The following SC5D variants were observed in gnomAD, a reference collection of about 807,000 sequenced individuals.
SC5D encodes lathosterol oxidase.
A neutral mutation model predicts 23.9 loss-of-function variants in SC5D; 21 were observed. That is an observed-to-expected ratio of 0.88 (90% CI 0.62 to 1.26). SC5D has a LOEUF of 1.26. Ranked by LOEUF, SC5D falls within the 50% of genes most tolerant of loss-of-function variation. The probability of loss-of-function intolerance (pLI) is 0.00; values close to 1 mark genes in which losing one functional copy is unlikely to be tolerated. For synonymous variants in SC5D, 113 were observed against 125.9 expected, an observed-to-expected ratio of 0.90 and a Z score of 0.68; for missense variants, 309 against 364.8, an observed-to-expected ratio of 0.85 and a Z score of 1.25.
At chr11:121,305,320 G>T (rs1947955916) in intron 3 of SC5D, 1 of 151,608 alleles carries the variant, frequency 6.6e-6, no homozygotes, top group South Asian at 2.1e-4. Flanking sequence ...CTATCACTGT[G>T]CTCCTTTTAT....
Position 121,293,615 on chromosome 11 carries a change from TAG to T in SC5D, c.-11+802_-11+803del, listed in dbSNP as rs772262761. 1.1e-4 allele frequency among the ~76,000 whole-genome samples: 16 copies of T among 152,224 alleles called. 1 individual carries two copies. The highest frequency in any genetic ancestry group is 2.4e-4 in the Non-Finnish European group (16 of 68,036). ...GTGAAGAAAACAAGACCTCAGTACA[TAG>T]AGTTTCCAAACTGGAAAGTTTGTGG... is the stretch of plus-strand genomic sequence containing the variant. On this transcript the variant is annotated intron_variant, in intron 1 of 4. Coordinates refer to ENST00000264027, the MANE Select transcript of SC5D (RefSeq NM_006918.5).
intron 1 of SC5D, 87 bp from the exon 2 acceptor site, chr11:121,303,279 G>C: frequency 2.0e-6 from 2 of 977,424 alleles, no homozygotes; most frequent in Non-Finnish European, 3.3e-6. Context: ...TCTTAAATCA[G>C]GAACTTGAGA....
In SC5D at chr11:121,292,803, CGGACCACCTCCAGGTGG is replaced by C. The variant is rs1947860102; in HGVS notation, c.-19_-11+8del. ...AGAGCAGTGGCGTGCGGAGCGGCGG[CGGACCACCTCCAGGTGG>C]GGACGGTGGGTGGGCGGGGAAGGAA... is the stretch of plus-strand genomic sequence containing the variant. On this transcript the variant is annotated splice_donor_variant and splice_donor_region_variant and 5_prime_UTR_variant and intron_variant, in exon 1 of 5. Transcript: ENST00000264027. LOFTEE classifies it low-confidence loss of function (5UTR_SPLICE). The C allele has an allele frequency of 6.6e-6, 1 of 152,474 alleles. No homozygotes were observed. Among genetic ancestry groups the C allele is most frequent in the Non-Finnish European group, 1.5e-5 (1 of 68,360 alleles). 9.4% of individuals were successfully genotyped at this position (152,474 alleles called of 1,614,324 possible). A position where few individuals can be genotyped will look rare whatever the true frequency, so the allele number is the denominator to read the frequency against.
rs780028779 is a variant in SC5D, at chr11:121,304,374, G to C, written c.224G>C (p.Arg75Pro). The C allele has an allele frequency of 6.2e-7, 1 of 1,613,348 alleles. No individual in the cohort carries two copies. Among genetic ancestry groups the C allele is most frequent in the Non-Finnish European group, 8.5e-7 (1 of 1,179,512 alleles). The change falls in exon 3 of 5, where the codon CGA (arginine) becomes CCA (proline). Residue 75 changes from arginine to proline, a missense_variant. By Grantham distance (103) the Arg-to-Pro change is moderately radical (BLOSUM62 -2). Coordinates refer to ENST00000264027, the MANE Select transcript of SC5D (RefSeq NM_006918.5). ...HPQFLKNQVR[R>P]EIKFTVQALP... is the part of the protein sequence containing the mutation. ...TTTCACTTTCAGAATCAAGTCCGTC[G>C]AGAGATTAAGTTTACTGTCCAGGCA...
chr11:121,304,411 A>G lies in SC5D; in HGVS notation c.261A>G (p.Ile87Met). 1 of 1,612,174 alleles carries G rather than the reference A, an allele frequency of 6.2e-7. No homozygotes were observed. The highest frequency in any genetic ancestry group is 8.5e-7 in the Non-Finnish European group (1 of 1,178,316). Residue 87 changes from isoleucine (I) to methionine (M), a missense_variant, in exon 3 of 5, where the codon ATA (isoleucine) becomes ATG (methionine). Coordinates refer to ENST00000264027, the MANE Select transcript of SC5D (RefSeq NM_006918.5). ...IKFTVQALPW[I>M]SILTVALFLL... ...TTACTGTCCAGGCATTGCCATGGATAAGTATTCTTACTGTTGCACTGTTCT... is the reference window on the plus strand; with the variant it reads ...TTACTGTCCAGGCATTGCCATGGATGAGTATTCTTACTGTTGCACTGTTCT...
rs1462307206 is a variant in SC5D at position 121,312,327 on chromosome 11, ATC to A, written c.*4819_*4820del. 6.6e-6 allele frequency among the ~76,000 whole-genome samples: 1 copy of A among 152,198 alleles called. No individual in the cohort carries two copies. The highest frequency in any genetic ancestry group is 1.5e-5 in the Non-Finnish European group (1 of 67,992). On this transcript the variant is annotated 3_prime_UTR_variant, in exon 5 of 5. Coordinates refer to ENST00000264027, the MANE Select transcript of SC5D (RefSeq NM_006918.5). ...TACATTTAAAATACAGCATTTTTAA[ATC>A]TCTAAGCTCAACTTGAAGATATAAG...
In SC5D at chr11:121,312,922, G is replaced by A. The variant is rs547985065; in HGVS notation, c.*5410G>A. ...ACTGGTGTGGTGACTTTTGTCTGTC[G>A]CTTCATTGGGACGTTTTTTCTTTCT... is the stretch of plus-strand genomic sequence containing the variant. On this transcript the variant is annotated 3_prime_UTR_variant, in exon 5 of 5. Transcript: ENST00000264027. 2.4e-4 allele frequency among the ~76,000 whole-genome samples: 37 copies of A among 152,058 alleles called. No individual in the cohort carries two copies. The highest frequency in any genetic ancestry group is 8.7e-4 in the African/African-American group (36 of 41,484).
chr11:121,303,144 G>A (rs1195400181), intron 1 of SC5D, among the ~76,000 whole-genome samples: 1 of 152,076 alleles, frequency 6.6e-6, no homozygotes, highest in Middle Eastern at 3.2e-3. Flanking sequence ...TTCTCTAACT[G>A]AGCTTTAGCA....
chr11:121,311,470 C>T lies in SC5D; in HGVS notation c.*3958C>T, dbSNP rs569237513. Among the ~76,000 whole-genome samples, 4 of 152,246 alleles carry T rather than the reference C, an allele frequency of 2.6e-5. No individual in the cohort carries two copies. Among genetic ancestry groups the T allele is most frequent in the African/African-American group, 9.6e-5 (4 of 41,544 alleles). The stretch of plus-strand genomic sequence containing the variant: ...ATAACCCTTTGGAAACAAAACCCAC[C>T]AGTACCCCAGATTTTGACCACAGAT... On this transcript the variant is annotated 3_prime_UTR_variant, in exon 5 of 5. Transcript: ENST00000264027.
At chr11:121,299,446 A>G (rs1947911616) in intron 1 of SC5D, among the ~76,000 whole-genome samples, 2 of 152,246 alleles carry the variant, frequency 1.3e-5, no homozygotes, top group Admixed American at 6.5e-5. Context: ...AAGAGAATAC[A>G]TTGTTTATTG....
At position 121,311,147 on chromosome 11, in the gene SC5D, T is replaced by C. The variant is rs1475952701; in HGVS notation, c.*3635T>C. ...CATCATTGTATTAAACCACTCATCC[T>C]TAACAAATGCCCAAGCCATGGTTAA... On this transcript the variant is annotated 3_prime_UTR_variant, in exon 5 of 5. Coordinates refer to ENST00000264027, the MANE Select transcript of SC5D (RefSeq NM_006918.5). Among the ~76,000 whole-genome samples the C allele has an allele frequency of 6.6e-6, 1 of 152,246 alleles. No individual in the cohort carries two copies. The highest frequency in any genetic ancestry group is 6.5e-5 in the Admixed American group (1 of 15,288).
At chr11:121,301,232 C>T (rs1229546983) in intron 1 of SC5D, among the ~76,000 whole-genome samples, 3 of 151,230 alleles carry the variant, frequency 2.0e-5, no homozygotes, top group South Asian at 2.1e-4. Flanking sequence ...AGGAACACCA[C>T]GTTTAACTAA....
At chr11:121,304,322 G>A (rs1485394389) in intron 2 of SC5D, 39 bp from the exon 3 acceptor site, 1 of 1,605,170 alleles carries the variant, frequency 6.2e-7, no homozygotes, top group South Asian at 1.1e-5. Context: ...GTTTAACATG[G>A]ATTTTGTGAT....
Position 121,312,359 on chromosome 11 carries a change from GTAAATTTGA to G in SC5D, c.*4852_*4860del, listed in dbSNP as rs1252008837. On this transcript the variant is annotated 3_prime_UTR_variant, in exon 5 of 5. Coordinates refer to ENST00000264027, the MANE Select transcript of SC5D (RefSeq NM_006918.5). ...AGCTCAACTTGAAGATATAAGAACA[GTAAATTTGA>G]TAAAAATGAGAAATTACATTCCCAT... Among the ~76,000 whole-genome samples, 1 of 152,106 alleles carries G rather than the reference GTAAATTTGA, an allele frequency of 6.6e-6. No homozygotes were observed. The highest frequency in any genetic ancestry group is 6.5e-5 in the Admixed American group (1 of 15,272).
chr11:121,304,199 T>TTACA, intron 2 of SC5D, 162 bp from the exon 3 acceptor site: 1 of 626,046 alleles, frequency 1.6e-6, no homozygotes, highest in Non-Finnish European at 2.8e-6. Context: ...AATGATTTTC[T>TTACA]TACATACCTA....
intron 1 of SC5D, among the ~76,000 whole-genome samples, chr11:121,300,402 C>T (rs1017117928): frequency 2.0e-5 from 3 of 152,190 alleles, no homozygotes; most frequent in Non-Finnish European, 4.4e-5. Flanking sequence ...TTTGCAGCCT[C>T]ACCAAAGGCC....
chr11:121,300,285 G>T (rs373813530), intron 1 of SC5D, among the ~76,000 whole-genome samples: 1 of 152,148 alleles, frequency 6.6e-6, no homozygotes, highest in African/African-American at 2.4e-5. Flanking sequence ...GACATTTTCC[G>T]TCCTTTACCA....
intron 1 of SC5D, among the ~76,000 whole-genome samples, chr11:121,293,229 A>G (rs1320643297): frequency 6.6e-6 from 1 of 152,164 alleles, no homozygotes; most frequent in Non-Finnish European, 1.5e-5. Flanking sequence ...GACTTGAAGG[A>G]GCCGACCGTG....
chr11:121,308,401 T>C lies in SC5D; in HGVS notation c.*889T>C, dbSNP rs1226184148. On this transcript the variant is annotated 3_prime_UTR_variant, in exon 5 of 5. Coordinates refer to ENST00000264027, the MANE Select transcript of SC5D (RefSeq NM_006918.5). ...GATGTTTGAAGTTACAAACCTGTAA[T>C]TTTTTTGTAAAGGAAATAATTGCCA... 2.6e-5 allele frequency: 4 copies of C among 152,186 alleles called. No homozygotes were observed. Among genetic ancestry groups the C allele is most frequent in the Non-Finnish European group, 2.9e-5 (2 of 68,018 alleles). 9.4% of individuals were successfully genotyped at this position (152,186 alleles called of 1,614,324 possible).
Sources: allele counts gnomAD v4.1 joint callset (sites outside exome capture counted in the v4.1 genomes callset), GRCh38; gene constraint gnomAD v4.1.1; transcripts MANE v1.5; gene names NCBI Gene and HGNC (gene_info 2026-07-23, HGNC 2026-07-21).